The following GPC5 variants were observed in gnomAD, a reference collection of about 807,000 sequenced individuals.
GPC5 encodes glypican-5.
GPC5 carries 47 observed loss-of-function variants against 53.9 expected under a neutral mutation model. That is an observed-to-expected ratio of 0.87 (90% confidence interval 0.69 to 1.11). The LOEUF is 1.11. Among genes scored for constraint, GPC5 ranks in the 50% most tolerant of loss-of-function variants. The pLI is 0.00. For synonymous variants in GPC5, 286 were observed against 263.3 expected (o/e 1.09, Z -0.84); for missense variants, 748 against 713.1 (o/e 1.05, Z -0.56).
chr13:91,688,760 A>G (rs953773105), intron 2 of GPC5, among the ~76,000 whole-genome samples: 4 of 152,156 alleles, frequency 2.6e-5, no homozygotes, highest in Admixed American at 6.6e-5. Context: ...GTATAGGTTC[A>G]TCGCTCCTAG....
chr13:92,861,032 G>T (rs1446293579), intron 7 of GPC5, among the ~76,000 whole-genome samples: 2 of 151,838 alleles, frequency 1.3e-5, no homozygotes, highest in East Asian at 1.9e-4. Flanking sequence ...AGAATTAAAA[G>T]AACATTAAAG....
chr13:92,357,914 G>A (rs2043536013), intron 7 of GPC5, among the ~76,000 whole-genome samples: 1 of 151,266 alleles, frequency 6.6e-6, no homozygotes, highest in Admixed American at 6.6e-5. Context: ...TTCTGCACCT[G>A]GCCCCTACCA....
chr13:92,026,553 C>A (rs1191039450), intron 6 of GPC5, among the ~76,000 whole-genome samples: 2 of 151,042 alleles, frequency 1.3e-5, no homozygotes, highest in African/African-American at 4.9e-5. Context: ...CAGAGCCATG[C>A]AAATAATGAG....
Position 92,161,956 on chromosome 13 carries a change from C to CATATATATATAT in GPC5, c.1561+16996_1561+17007dup, listed in dbSNP as rs55867004. On this transcript the variant is annotated intron_variant, in intron 7 of 7. Coordinates refer to ENST00000377067, the MANE Select transcript of GPC5 (RefSeq NM_004466.6). ...ATTTGCCTATTAAGTAATATATAGC[C>CATATATATATAT]ATATATATATATATATATATATATA... is the stretch of plus-strand genomic sequence containing the variant. 2.1e-3 allele frequency among the ~76,000 whole-genome samples: 206 copies of CATATATATATAT among 95,976 alleles called. 5 individuals carry two copies. The highest frequency in any genetic ancestry group is 3.2e-3 in the Non-Finnish European group (151 of 46,986). The allele number at this position is 95,976 out of a possible 152,430, so 63.0% of individuals were successfully genotyped here.
intron 2 of GPC5, among the ~76,000 whole-genome samples, chr13:91,503,313 GAAGA>G (rs1566457086): frequency 6.6e-6 from 1 of 152,030 alleles, no homozygotes; most frequent in Non-Finnish European, 1.5e-5. Context: ...TCAAGGAAAG[GAAGA>G]ATCATCAATA....
intron 7 of GPC5, among the ~76,000 whole-genome samples, chr13:92,697,144 T>G (rs571253960): frequency 6.6e-6 from 1 of 151,844 alleles, no homozygotes; most frequent in Admixed American, 6.6e-5. Context: ...TGCCTCCAGC[T>G]TTGTTCTTTT....
intron 6 of GPC5, among the ~76,000 whole-genome samples, chr13:91,977,347 A>G (rs150366413): frequency 2.6e-5 from 4 of 152,354 alleles, no homozygotes; most frequent in African/African-American, 9.6e-5. Flanking sequence ...GTGCAACACT[A>G]AATATTCCTT....
At chr13:91,813,536 G>C (rs1328361537) in intron 5 of GPC5, among the ~76,000 whole-genome samples, 7 of 152,178 alleles carry the variant, frequency 4.6e-5, no homozygotes, top group Admixed American at 1.3e-4. Flanking sequence ...TGGTGCCAAG[G>C]CCGGGTTGGT....
chr13:91,594,987 TTTATTTATTTA>T, intron 2 of GPC5, among the ~76,000 whole-genome samples: 2 of 2,954 alleles, frequency 6.8e-4, no homozygotes, highest in Non-Finnish European at 2.3e-3. Context: ...TTTATTTACA[TTTATTTATTTA>T]TTTATTTATT....
intron 6 of GPC5, among the ~76,000 whole-genome samples, chr13:92,027,647 T>C (rs1015771074): frequency 6.6e-6 from 1 of 152,222 alleles, no homozygotes; most frequent in Non-Finnish European, 1.5e-5. Context: ...TCTGAATACC[T>C]TTAACTAATT....
At chr13:92,281,861 C>G (rs533778137) in intron 7 of GPC5, among the ~76,000 whole-genome samples, 1 of 152,186 alleles carries the variant, frequency 6.6e-6, no homozygotes, top group Non-Finnish European at 1.5e-5. Context: ...CAAAGGAATG[C>G]AGCTCCTTGC....
At chr13:92,280,224 T>TA (rs2042904829) in intron 7 of GPC5, among the ~76,000 whole-genome samples, 1 of 152,154 alleles carries the variant, frequency 6.6e-6, no homozygotes, top group Non-Finnish European at 1.5e-5. Context: ...TTCGTAGTTC[T>TA]ATTTCTGATT....
chr13:92,602,989 G>A (rs1286398944), intron 7 of GPC5, among the ~76,000 whole-genome samples: 1 of 152,166 alleles, frequency 6.6e-6, no homozygotes, highest in African/African-American at 2.4e-5. Flanking sequence ...CCGGTAAGTT[G>A]GGATAGCATG....
intron 2 of GPC5, among the ~76,000 whole-genome samples, chr13:91,691,098 G>A (rs921361726): frequency 4.6e-5 from 7 of 152,148 alleles, no homozygotes; most frequent in African/African-American, 7.2e-5. Context: ...ATTCAATTCC[G>A]TTTTCACACT....
chr13:91,497,541 G>A (rs548948188), intron 2 of GPC5, among the ~76,000 whole-genome samples: 61 of 152,222 alleles, frequency 4.0e-4, no homozygotes, highest in Non-Finnish European at 7.6e-4. Context: ...GACTGTAATT[G>A]GGGTATATAC....
At chr13:91,951,303 G>A (rs1018683673) in intron 6 of GPC5, among the ~76,000 whole-genome samples, 3 of 152,006 alleles carry the variant, frequency 2.0e-5, no homozygotes, top group Non-Finnish European at 4.4e-5. Context: ...TAAAATTCGA[G>A]AATTACTAAA....
intron 7 of GPC5, among the ~76,000 whole-genome samples, chr13:92,457,460 C>T (rs989495411): frequency 6.6e-6 from 1 of 152,070 alleles, no homozygotes; most frequent in African/African-American, 2.4e-5. Flanking sequence ...CAGGCATTCC[C>T]ATATGTCCAC....
chr13:92,174,550 AC>A (rs1470690406), intron 7 of GPC5, among the ~76,000 whole-genome samples: 49 of 140,668 alleles, frequency 3.5e-4, no homozygotes, highest in South Asian at 2.8e-3. Context: ...AAAAAAAAAA[AC>A]AAAAACAACA....
At chr13:91,922,788 C>G (rs1203093051) in intron 6 of GPC5, among the ~76,000 whole-genome samples, 1 of 152,120 alleles carries the variant, frequency 6.6e-6, no homozygotes, top group Non-Finnish European at 1.5e-5. Context: ...TTCCACTGTT[C>G]TTGATTATTT....
Sources: allele counts gnomAD v4.1 joint callset (sites outside exome capture counted in the v4.1 genomes callset), GRCh38; gene constraint gnomAD v4.1.1; transcripts MANE v1.5; gene names NCBI Gene and HGNC (gene_info 2026-07-23, HGNC 2026-07-21).